The following UNC79 variants were observed in gnomAD, a reference collection of about 807,000 sequenced individuals.
UNC79 encodes the protein protein unc-79 homolog.
In UNC79, 37 loss-of-function variants were observed where a neutral mutation model predicts 283.1. The observed-to-expected ratio is 0.13, with a 90% confidence interval of 0.10 to 0.17. UNC79 has a LOEUF of 0.17. Ranked by LOEUF, UNC79 falls within the 10% of genes least tolerant of loss-of-function variation. UNC79 has a pLI of 1.00. For synonymous variants in UNC79, 1,107 were observed against 1,200.2 expected (o/e 0.92, Z 1.61); for missense variants, 2,272 against 3,211.1 (o/e 0.71, Z 7.07).
chr14:93,650,063 A>C (rs547025745), intron 35 of UNC79, among the ~76,000 whole-genome samples: 22 of 152,316 alleles, frequency 1.4e-4, no homozygotes, highest in African/African-American at 5.3e-4. Context: ...TGTCAATGGA[A>C]TCCTACTGTA....
Position 93,476,210 on chromosome 14 carries a change from C to G in UNC79, c.449-1348C>G, listed in dbSNP as rs537146588. On this transcript the variant is annotated intron_variant, in intron 3 of 48. Transcript: ENST00000555664. Reference sequence around the variant, plus strand: ...CACTAAGACCGGAGGCTGTGTCTTGCTGCTGGGTCTGGGTGGAGCACAGGA... The same window carrying G: ...CACTAAGACCGGAGGCTGTGTCTTGGTGCTGGGTCTGGGTGGAGCACAGGA... Among the ~76,000 whole-genome samples, 65 of 152,240 alleles carry G rather than the reference C, an allele frequency of 4.3e-4. 1 individual carries two copies. The South Asian group carries it at 0.013, about 30-fold the overall frequency.
At chr14:93,673,286 T>C (rs890253475) in intron 40 of UNC79, 65 bp from the exon 44 acceptor site, 2 of 1,441,462 alleles carry the variant, frequency 1.4e-6, no homozygotes, top group African/African-American at 2.9e-5. Context: ...GAAGCTCTTT[T>C]GACATGGATA....
exon 31 of UNC79, chr14:93,630,803 C>A (rs1409042372): frequency 6.2e-7 from 1 of 1,612,930 alleles, no homozygotes; most frequent in Non-Finnish European, 8.5e-7. Context: ...GTTTGTAGAT[C>A]CTTCTACTAA....
chr14:93,445,349 A>G (rs926290937), intron 1 of UNC79, among the ~76,000 whole-genome samples: 4 of 152,082 alleles, frequency 2.6e-5, no homozygotes, highest in African/African-American at 4.8e-5. Flanking sequence ...AATGCTAAAT[A>G]AAAGTGATGT....
chr14:93,468,778 C>T (rs1191715474), intron 2 of UNC79, among the ~76,000 whole-genome samples: 2 of 152,174 alleles, frequency 1.3e-5, no homozygotes, highest in African/African-American at 4.8e-5. Flanking sequence ...ATCTTTCCTT[C>T]TTTAGAGTCC....
At chr14:93,337,329 C>T (rs370575524) in intron 1 of UNC79, among the ~76,000 whole-genome samples, 1 of 152,356 alleles carries the variant, frequency 6.6e-6, no homozygotes, top group South Asian at 2.1e-4. Context: ...GTTTGTTTCC[C>T]CTCCAGTTGT....
chr14:93,706,983 G>A (rs1474867642), downstream of UNC79: 25 of 1,530,390 alleles, frequency 1.6e-5, no homozygotes, highest in Non-Finnish European at 2.1e-5. Context: ...ATCCAAGCAG[G>A]TTGGGGAACA....
Position 93,617,879 on chromosome 14 carries a change from C to T in UNC79, c.4225-313C>T, listed in dbSNP as rs1033008430. Among the ~76,000 whole-genome samples the T allele has an allele frequency of 6.6e-6, 1 of 152,030 alleles. No individual in the cohort carries two copies. Among genetic ancestry groups the T allele is most frequent in the Non-Finnish European group, 1.5e-5 (1 of 67,984 alleles). ...GCAACATGGTGAAATCCCATCTCTA[C>T]AAAAAATTAGCCAAGCATGGTTGCA... On this transcript the variant is annotated intron_variant, in intron 28 of 48. Transcript: ENST00000555664. The surrounding 1 kb of genome is among the most constrained non-coding windows in gnomAD (Gnocchi z 4.5).
At chr14:93,366,055 CT>C (rs2054324432) in intron 1 of UNC79, among the ~76,000 whole-genome samples, 1 of 152,176 alleles carries the variant, frequency 6.6e-6, no homozygotes, top group Non-Finnish European at 1.5e-5. Context: ...GTAGCACAAT[CT>C]TTGCAGGCAA....
At chr14:93,410,303 G>A (rs142225548) in intron 1 of UNC79, among the ~76,000 whole-genome samples, 3 of 152,292 alleles carry the variant, frequency 2.0e-5, no homozygotes, top group South Asian at 2.1e-4. Flanking sequence ...CTATCCCAGC[G>A]GTCTGAACTT....
chr14:93,347,192 C>G, intron 1 of UNC79: 1 of 1,481,576 alleles, frequency 6.7e-7, no homozygotes, highest in Non-Finnish European at 9.0e-7. Flanking sequence ...AGCTGCCTCA[C>G]GAGCACTGGA....
At chr14:93,520,776 C>T (rs2060285213) in intron 7 of UNC79, among the ~76,000 whole-genome samples, 1 of 151,864 alleles carries the variant, frequency 6.6e-6, no homozygotes, top group African/African-American at 2.4e-5. Context: ...AATTATATCT[C>T]CCATCTCTAT....
chr14:93,402,276 CAAAAAAA>C (rs1232880016), intron 1 of UNC79, among the ~76,000 whole-genome samples: 34 of 64,992 alleles, frequency 5.2e-4, no homozygotes, highest in African/African-American at 2.1e-3. Context: ...GACTCTGTCT[CAAAAAAA>C]AAAAAAAAAA....
intron 23 of UNC79, among the ~76,000 whole-genome samples, chr14:93,595,278 T>TG (rs1363508258): frequency 4.0e-5 from 6 of 151,872 alleles, no homozygotes; most frequent in Non-Finnish European, 5.9e-5. Flanking sequence ...TTACTAGAGA[T>TG]GGGGTTTCGC....
intron 39 of UNC79, among the ~76,000 whole-genome samples, chr14:93,660,457 C>T (rs1192674022): frequency 7.0e-6 from 1 of 142,270 alleles, no homozygotes; most frequent in Admixed American, 7.2e-5. Flanking sequence ...AATAAGGATA[C>T]ATTATGTGCA....
rs146122745 is a variant in UNC79 at position 93,336,383 on chromosome 14, C to A, written c.-351+2860C>A. On this transcript the variant is annotated intron_variant, in intron 1 of 49. Transcript: ENST00000256339. ...TTGAGACAGAGTCTTGCTCTGTCAC[C>A]CAGGCTGGAGTGCAATGACGCAATC... Among the ~76,000 whole-genome samples the A allele has an allele frequency of 4.7e-3, 718 of 152,082 alleles. 4 individuals are homozygous for A. The highest frequency in any genetic ancestry group is 5.7e-3 in the Non-Finnish European group (386 of 67,996).
At chr14:93,465,126 T>TC (rs745794945) in intron 1 of UNC79, among the ~76,000 whole-genome samples, 19 of 152,296 alleles carry the variant, frequency 1.2e-4, no homozygotes, top group Non-Finnish European at 2.2e-4. Context: ...TCCTTTTTTT[T>TC]CTCCATCTTC....
intron 35 of UNC79, among the ~76,000 whole-genome samples, chr14:93,648,664 G>C (rs2069899980): frequency 6.6e-6 from 1 of 152,064 alleles, no homozygotes; most frequent in South Asian, 2.1e-4. Context: ...TCTGGTCTTG[G>C]TAGTGGTAGA....
intron 1 of UNC79, among the ~76,000 whole-genome samples, chr14:93,370,129 A>G (rs1208967422): frequency 2.6e-5 from 4 of 152,164 alleles, no homozygotes; most frequent in African/African-American, 9.7e-5. Flanking sequence ...AGTTCCTTTT[A>G]CCTGGCACAC....
Sources: allele counts gnomAD v4.1 joint callset (sites outside exome capture counted in the v4.1 genomes callset), GRCh38; gene constraint gnomAD v4.1.1; non-coding constraint Gnocchi (gnomAD v3.1); transcripts MANE v1.5; gene names NCBI Gene and HGNC (gene_info 2026-07-23, HGNC 2026-07-21).